The following TAOK1 variants were observed in gnomAD, a reference collection of about 807,000 sequenced individuals.
TAOK1 encodes serine/threonine-protein kinase TAO1.
Under a neutral mutation model 138.3 loss-of-function variants are expected in TAOK1, and 21 were observed. That is an observed-to-expected ratio of 0.15 (90% CI 0.11 to 0.22). TAOK1 has a LOEUF of 0.22. Ranked by LOEUF, TAOK1 falls within the 10% of genes least tolerant of loss-of-function variation. The pLI, the probability that TAOK1 is intolerant of heterozygous loss-of-function variation, is 1.00. For missense variants in TAOK1, 651 were observed against 1,227.7 expected, an observed-to-expected ratio of 0.53 and a Z score of 7.02; for synonymous variants, 361 against 398.4, an observed-to-expected ratio of 0.91 and a Z score of 1.12.
At chr17:29,472,457 T>G (rs1377287769) in intron 3 of TAOK1, among the ~76,000 whole-genome samples, 25 of 152,110 alleles carry the variant, frequency 1.6e-4, no homozygotes, top group Non-Finnish European at 1.5e-5. Flanking sequence ...TTTGCCATGT[T>G]GGCCAGGCTG....
chr17:29,435,133 T>G (rs1005965558), intron 1 of TAOK1, among the ~76,000 whole-genome samples: 4 of 151,828 alleles, frequency 2.6e-5, no homozygotes, highest in Admixed American at 2.6e-4. Context: ...GAAGGATAAT[T>G]GCTCAGAACT....
chr17:29,445,376 G>A (rs2030053312), intron 1 of TAOK1: 1 of 152,312 alleles, frequency 6.6e-6, no homozygotes, highest in Non-Finnish European at 1.5e-5. Flanking sequence ...TCCAATTTTA[G>A]CATATGTGCT....
chr17:29,482,132 A>T, intron 7 of TAOK1, 65 bp from the exon 8 acceptor site: 1 of 1,194,392 alleles, frequency 8.4e-7, no homozygotes, highest in Non-Finnish European at 1.2e-6. Context: ...GATGACTGTT[A>T]CATTCTCAAA....
chr17:29,532,901 C>T (rs2032145681), intron 18 of TAOK1, among the ~76,000 whole-genome samples: 1 of 151,456 alleles, frequency 6.6e-6, no homozygotes, highest in African/African-American at 2.4e-5. Context: ...AGAGGCGCCC[C>T]TCACCTCCTA....
chr17:29,526,747 C>T (rs903677737), intron 17 of TAOK1, among the ~76,000 whole-genome samples: 2 of 144,226 alleles, frequency 1.4e-5, no homozygotes, highest in African/African-American at 5.1e-5. Flanking sequence ...GCTACTCAGC[C>T]TGAGCAACAT....
In TAOK1 at chr17:29,499,560, C is replaced by CTT. The variant is rs200387206; in HGVS notation, c.1203+1041_1203+1042dup. Among the ~76,000 whole-genome samples, 322 of 109,148 alleles carry CTT rather than the reference C, an allele frequency of 3.0e-3. 6 individuals carry two copies. The highest frequency in any genetic ancestry group is 8.2e-3 in the East Asian group (36 of 4,392). The allele number at this position is 109,148 out of a possible 152,430, so 71.6% of individuals were successfully genotyped here. ...TATATCTTTTTTTCTTTCTTTCTTT[C>CTT]TTTCTTTTTTTTTTTTGAGACAGAG... On this transcript the variant is annotated intron_variant, in intron 12 of 19. Transcript: ENST00000261716.
intron 17 of TAOK1, 55 bp from the exon 18 acceptor site, chr17:29,530,352 T>C (rs1015738949): frequency 2.0e-5 from 29 of 1,484,088 alleles, no homozygotes; most frequent in Non-Finnish European, 2.5e-5. Context: ...AAGCATACCA[T>C]ATACCAAATG....
chr17:29,416,189 A>G (rs1045289640), intron 1 of TAOK1, among the ~76,000 whole-genome samples: 5 of 152,160 alleles, frequency 3.3e-5, no homozygotes, highest in African/African-American at 1.2e-4. Context: ...GCTGGAACCC[A>G]GGAGACAGAG....
chr17:29,422,740 T>C (rs1445376262), intron 1 of TAOK1, among the ~76,000 whole-genome samples: 1 of 152,176 alleles, frequency 6.6e-6, no homozygotes, highest in East Asian at 1.9e-4. Flanking sequence ...CTAGCTAGCT[T>C]TGAGGATGGG....
At chr17:29,464,748 A>G (rs1331967333) in intron 2 of TAOK1, among the ~76,000 whole-genome samples, 1 of 151,870 alleles carries the variant, frequency 6.6e-6, no homozygotes, top group Admixed American at 6.6e-5. Context: ...TAACCAATCC[A>G]CTGGCAGTTG....
chr17:29,449,377 A>G (rs1317543153), intron 1 of TAOK1, among the ~76,000 whole-genome samples: 1 of 152,192 alleles, frequency 6.6e-6, no homozygotes, highest in Non-Finnish European at 1.5e-5. Flanking sequence ...TTAGAAATTG[A>G]ATACAAATTA....
intron 16 of TAOK1, among the ~76,000 whole-genome samples, chr17:29,520,651 A>G (rs1462018788): frequency 6.6e-6 from 1 of 151,520 alleles, no homozygotes; most frequent in Non-Finnish European, 1.5e-5. Flanking sequence ...CTGACCTCAG[A>G]TGATCCGCCT....
chr17:29,408,573 A>G (rs1049064044), intron 1 of TAOK1, among the ~76,000 whole-genome samples: 1 of 152,178 alleles, frequency 6.6e-6, no homozygotes. Context: ...TAATTTCACA[A>G]ATTTTTAATG....
chr17:29,445,170 A>G (rs1036156508), intron 1 of TAOK1: 1 of 152,332 alleles, frequency 6.6e-6, no homozygotes, highest in East Asian at 1.9e-4. Context: ...TATGGGGTAC[A>G]TGAGATGTTT....
chr17:29,463,636 C>G (rs1252441278), intron 2 of TAOK1, among the ~76,000 whole-genome samples: 2 of 151,560 alleles, frequency 1.3e-5, no homozygotes, highest in African/African-American at 2.4e-5. Flanking sequence ...AACTATAATA[C>G]TCTTAGAAGA....
At chr17:29,498,205 C>A (rs2031449890) in intron 11 of TAOK1, 113 bp from the exon 12 acceptor site, 11 of 1,066,770 alleles carry the variant, frequency 1.0e-5, no homozygotes, top group South Asian at 4.6e-5. Flanking sequence ...TCATGATAGA[C>A]CAACTTTCTG....
chr17:29,512,383 G>GGTTTGGTTTC (rs1414557558), intron 15 of TAOK1: 3 of 151,120 alleles, frequency 2.0e-5, no homozygotes, highest in African/African-American at 7.3e-5. Context: ...TTGTTTGTTT[G>GGTTTGGTTTC]GTTTGGTTTG....
At chr17:29,467,082 A>G in intron 2 of TAOK1, 63 bp from the exon 3 acceptor site, 1 of 1,277,960 alleles carries the variant, frequency 7.8e-7, no homozygotes, top group Non-Finnish European at 1.1e-6. Flanking sequence ...ATTCGCAAAG[A>G]AATAGTTGCC....
At chr17:29,533,086 T>C (rs111429316) in intron 18 of TAOK1, among the ~76,000 whole-genome samples, 186 of 63,512 alleles carry the variant, frequency 2.9e-3, no homozygotes, top group South Asian at 5.3e-3. Flanking sequence ...CCAGACGGGG[T>C]GGCTGCCGGG....
Sources: gnomAD v4.1 joint callset for allele counts (sites outside exome capture counted in the v4.1 genomes callset) on GRCh38, gnomAD v4.1.1 for gene constraint, MANE v1.5 for transcripts, NCBI Gene and HGNC (gene_info 2026-07-23, HGNC 2026-07-21) for gene names.